The following TTC39C variants were observed in gnomAD, a reference collection of about 807,000 sequenced individuals.
The protein encoded by TTC39C is tetratricopeptide repeat domain 39C.
In TTC39C, 33 loss-of-function variants were observed where a neutral mutation model predicts 76.3. That is an observed-to-expected ratio of 0.43 (90% CI 0.33 to 0.58). The LOEUF is 0.58. TTC39C is among the 20% of genes least tolerant of loss of function. The pLI, the probability that TTC39C is intolerant of heterozygous loss-of-function variation, is 0.04. For missense variants in TTC39C, 595 were observed against 701.4 expected, an observed-to-expected ratio of 0.85 and a Z score of 1.71; for synonymous variants, 254 against 260.6, an observed-to-expected ratio of 0.97 and a Z score of 0.24.
intron 1 of TTC39C, among the ~76,000 whole-genome samples, chr18:24,003,915 G>A (rs1258758724): frequency 6.6e-6 from 1 of 152,016 alleles, no homozygotes; most frequent in Non-Finnish European, 1.5e-5. Flanking sequence ...ACCTGGCTAG[G>A]CTTTTAAAAT....
intron 1 of TTC39C, among the ~76,000 whole-genome samples, chr18:24,025,537 C>A (rs528319763): frequency 5.3e-5 from 8 of 152,228 alleles, no homozygotes; most frequent in African/African-American, 1.4e-4. Flanking sequence ...GAGGTAGATT[C>A]TAGAACTAAA....
At chr18:24,054,902 T>G (rs555567741) in intron 1 of TTC39C, among the ~76,000 whole-genome samples, 75 of 152,312 alleles carry the variant, frequency 4.9e-4, no homozygotes, top group African/African-American at 1.7e-3. Context: ...CCCCATTCCT[T>G]TCCCTACCTC....
chr18:24,120,296 G>A (rs1450886345), intron 8 of TTC39C, among the ~76,000 whole-genome samples: 1 of 152,174 alleles, frequency 6.6e-6, no homozygotes, highest in Non-Finnish European at 1.5e-5. Context: ...GTTGCAGTGA[G>A]CTGAGATCGC....
chr18:24,117,396 C>A (rs1286587960), intron 7 of TTC39C, among the ~76,000 whole-genome samples: 5 of 152,084 alleles, frequency 3.3e-5, no homozygotes, highest in Admixed American at 1.3e-4. Context: ...CTGTCTAGAT[C>A]TTATAAAGTT....
chr18:24,004,127 C>T (rs1019459152), intron 1 of TTC39C, among the ~76,000 whole-genome samples: 1 of 152,168 alleles, frequency 6.6e-6, no homozygotes, highest in African/African-American at 2.4e-5. Flanking sequence ...ACTCCAGAGG[C>T]AGAAGTGAGG....
intron 6 of TTC39C, among the ~76,000 whole-genome samples, chr18:24,095,169 A>G (rs1218744327): frequency 1.3e-5 from 2 of 152,184 alleles, no homozygotes; most frequent in African/African-American, 4.8e-5. Flanking sequence ...CTTAAACCTC[A>G]TGAACCAACC....
intron 6 of TTC39C, among the ~76,000 whole-genome samples, chr18:24,102,164 G>T (rs568387133): frequency 3.5e-4 from 54 of 152,328 alleles, no homozygotes; most frequent in African/African-American, 1.3e-3. Context: ...ACAGAATCGT[G>T]TCTGAATTGT....
intron 1 of TTC39C, among the ~76,000 whole-genome samples, chr18:24,037,918 C>T (rs2145685952): frequency 6.6e-6 from 1 of 152,270 alleles, no homozygotes; most frequent in East Asian, 1.9e-4. Context: ...TTTCATTTTT[C>T]AGGCGACATG....
At chr18:24,087,747 G>A (rs1166829193) in intron 6 of TTC39C, among the ~76,000 whole-genome samples, 2 of 152,012 alleles carry the variant, frequency 1.3e-5, no homozygotes, top group African/African-American at 4.8e-5. Flanking sequence ...ACCATGCCTG[G>A]CTGATTTTTG....
intron 3 of TTC39C, among the ~76,000 whole-genome samples, chr18:24,068,715 T>C (rs1482711543): frequency 6.6e-6 from 1 of 152,230 alleles, no homozygotes; most frequent in Non-Finnish European, 1.5e-5. Context: ...ACATCTCAGT[T>C]GCATGCACGA....
At chr18:24,002,649 T>TAGGAA (rs2083322529) in intron 1 of TTC39C, among the ~76,000 whole-genome samples, 1 of 152,172 alleles carries the variant, frequency 6.6e-6, no homozygotes. Flanking sequence ...TGCTAGACTC[T>TAGGAA]TGCAATGTGC....
In TTC39C at chr18:24,118,370, G is replaced by A. The variant is rs992049089; in HGVS notation, c.1186+138G>A. Reference sequence around the variant, plus strand: ...GCCTTCCCCAGCATGTTAATGTTTTGTGCAACCAAGTAAATAGTGCTAGAA... The same window carrying A: ...GCCTTCCCCAGCATGTTAATGTTTTATGCAACCAAGTAAATAGTGCTAGAA... On this transcript the variant is annotated intron_variant, in intron 8 of 13. Coordinates refer to ENST00000317571, the MANE Select transcript of TTC39C (RefSeq NM_001135993.2). 6.4e-6 allele frequency: 4 copies of A among 622,820 alleles called. No individual in the cohort carries two copies. The African/African-American group carries it at 7.4e-5, about 12-fold the overall frequency. The allele number at this position is 622,820 out of a possible 1,614,324, so 38.6% of individuals were successfully genotyped here.
intron 8 of TTC39C, among the ~76,000 whole-genome samples, chr18:24,120,469 C>G (rs1446396974): frequency 1.3e-5 from 2 of 152,224 alleles, no homozygotes; most frequent in African/African-American, 4.8e-5. Context: ...ACACTGCCAC[C>G]AGGGCTTAGC....
chr18:24,097,778 C>A (rs752914565), intron 6 of TTC39C, among the ~76,000 whole-genome samples: 9 of 152,184 alleles, frequency 5.9e-5, no homozygotes, highest in Non-Finnish European at 1.2e-4. Context: ...ACCATTCTTT[C>A]ACCCAAGCTT....
intron 1 of TTC39C, among the ~76,000 whole-genome samples, chr18:24,054,464 A>G (rs1358879364): frequency 6.6e-6 from 1 of 152,226 alleles, no homozygotes; most frequent in African/African-American, 2.4e-5. Flanking sequence ...GCTTGAAAAC[A>G]GAGATGATGA....
intron 6 of TTC39C, among the ~76,000 whole-genome samples, chr18:24,099,037 A>AGTG (rs2084640525): frequency 7.6e-6 from 1 of 132,286 alleles, no homozygotes; most frequent in African/African-American, 3.0e-5. Flanking sequence ...GTGTGTGTGT[A>AGTG]TATATATATC....
chr18:24,015,088 C>T, intron 1 of TTC39C, 50 bp downstream of exon 1: 6 of 1,363,392 alleles, frequency 4.4e-6, no homozygotes, highest in Non-Finnish European at 5.7e-6. Flanking sequence ...CACCTCGTGT[C>T]CGGCTCACGC....
intron 6 of TTC39C, among the ~76,000 whole-genome samples, chr18:24,107,258 A>T (rs990143097): frequency 6.7e-6 from 1 of 150,276 alleles, no homozygotes; most frequent in Non-Finnish European, 1.5e-5. Context: ...TGAATATTAG[A>T]TATCTCTTAG....
chr18:24,045,917 ATATATATATATTTTTTTTTT>A (rs2083871460), intron 1 of TTC39C, among the ~76,000 whole-genome samples: 1 of 26,816 alleles, frequency 3.7e-5, no homozygotes, highest in African/African-American at 1.7e-4. Flanking sequence ...ATATATATAT[ATATATATATATTTTTTTTTT>A]TTTTTTTTTT....
Sources: gnomAD v4.1 joint callset for allele counts (sites outside exome capture counted in the v4.1 genomes callset) on GRCh38, gnomAD v4.1.1 for gene constraint, MANE v1.5 for transcripts, NCBI Gene and HGNC (gene_info 2026-07-23, HGNC 2026-07-21) for gene names.